Variants in ZNF789 observed in about 807,000 individuals in gnomAD.
ZNF789 encodes zinc finger protein 789.
A neutral mutation model predicts 15.6 loss-of-function variants in ZNF789; 11 were observed. The ratio of observed to expected loss-of-function variants is 0.70; its 90% CI spans 0.44 to 1.16. ZNF789 has a LOEUF of 1.16. ZNF789 is among the 50% of genes most tolerant of loss of function. ZNF789 has a pLI of 0.00. For missense variants in ZNF789, 461 were observed against 512.6 expected, an observed-to-expected ratio of 0.90 and a Z score of 0.97; for synonymous variants, 159 against 176.0, an observed-to-expected ratio of 0.90 and a Z score of 0.76.
intron 1 of ZNF789, among the ~76,000 whole-genome samples, chr7:99,475,372 A>G (rs1799269734): frequency 6.6e-6 from 1 of 151,886 alleles, no homozygotes; most frequent in African/African-American, 2.4e-5. Context: ...TCCAGCCTGC[A>G]CAACAAGAGT....
chr7:99,473,360 A>G (rs1799124776), intron 1 of ZNF789, among the ~76,000 whole-genome samples: 1 of 152,220 alleles, frequency 6.6e-6, no homozygotes, highest in African/African-American at 2.4e-5. Context: ...AAAAGTTAAC[A>G]GTCCCCTCCA....
chr7:99,485,076 C>T (rs1308237800), intron 4 of ZNF789: 3 of 1,072,076 alleles, frequency 2.8e-6, no homozygotes, highest in Non-Finnish European at 2.6e-6. Flanking sequence ...ACCCTGGATG[C>T]CCCTTGATTC....
At position 99,484,126 on chromosome 7, in the gene ZNF789, C is replaced by G. The variant is rs1028001964; in HGVS notation, c.248C>G (p.Ser83Cys). ...CCGAGAACTGGGAATAGGAAGGCTT[C>G]CGGTAGTGCTTGCCCAGGTGGGTGA... ...DLPRTGNRKA[S>C]GSACPGSEAR... The change falls in exon 4 of 5, where the codon TCC becomes TGC. Residue 83 changes from serine (S) to cysteine (C), a missense_variant. Transcript: ENST00000331410. 1 of 1,613,788 alleles carries G rather than the reference C, an allele frequency of 6.2e-7. No homozygotes were observed. Among genetic ancestry groups the G allele is most frequent in the Non-Finnish European group, 8.5e-7 (1 of 1,179,902 alleles).
intron 4 of ZNF789, among the ~76,000 whole-genome samples, chr7:99,485,572 C>G (rs1457259483): frequency 6.6e-6 from 1 of 152,196 alleles, no homozygotes; most frequent in Non-Finnish European, 1.5e-5. Flanking sequence ...TGGCTCACAC[C>G]TGTAATCCCA....
Position 99,484,029 on chromosome 7 carries a change from G to A in ZNF789, c.152-1G>A. ...CATCCCATTTACTTCCCCATGAGTAGGATTTCAGTTTCCCAAACCTGAGAT... is the reference window on the plus strand; with the variant it reads ...CATCCCATTTACTTCCCCATGAGTAAGATTTCAGTTTCCCAAACCTGAGAT... On this transcript the variant is annotated splice_acceptor_variant, in intron 3 of 4. Coordinates refer to ENST00000331410, the MANE Select transcript of ZNF789 (RefSeq NM_213603.3). LOFTEE classifies it high-confidence loss of function. The A allele has an allele frequency of 6.2e-7, 1 of 1,613,924 alleles. No individual in the cohort carries two copies. Among genetic ancestry groups the A allele is most frequent in the South Asian group, 1.1e-5 (1 of 91,072 alleles).
intron 1 of ZNF789, among the ~76,000 whole-genome samples, chr7:99,474,487 G>A (rs1189744817): frequency 1.3e-5 from 2 of 151,928 alleles, no homozygotes; most frequent in East Asian, 1.9e-4. Flanking sequence ...CCAGCTACTC[G>A]GGAAGCTGAG....
At chr7:99,476,547 T>C (rs2151052559) in intron 2 of ZNF789, 67 bp downstream of exon 2, 5 of 1,589,332 alleles carry the variant, frequency 3.1e-6, no homozygotes, top group East Asian at 2.3e-5. Flanking sequence ...TTCCTCAGAC[T>C]GAGCCCTCTT....
chr7:99,484,193 G>A, intron 4 of ZNF789, 50 bp downstream of exon 4: 1 of 1,477,430 alleles, frequency 6.8e-7, no homozygotes, highest in Non-Finnish European at 9.4e-7. Flanking sequence ...AGGAAGGGAA[G>A]GCATGTTAGT....
At position 99,476,198 on chromosome 7, in the gene ZNF789, A is replaced by C. The variant is rs567792095; in HGVS notation, c.-54-205A>C. 2.8e-5 allele frequency: 14 copies of C among 493,390 alleles called. No homozygotes were observed. In the East Asian group the frequency reaches 4.6e-4, roughly 16 times the overall value. The allele number at this position is 493,390 out of a possible 1,614,324, so 30.6% of individuals were successfully genotyped here. On this transcript the variant is annotated intron_variant, in intron 1 of 4. Coordinates refer to ENST00000331410, the MANE Select transcript of ZNF789 (RefSeq NM_213603.3). ...AGGGAGAAGGGGAGGGCAGGGCTGCAGGTTCTCTTGGATGGAGCTTGGGAA... is the reference window on the plus strand; with the variant it reads ...AGGGAGAAGGGGAGGGCAGGGCTGCCGGTTCTCTTGGATGGAGCTTGGGAA...
intron 3 of ZNF789, 140 bp from the exon 4 acceptor site, chr7:99,483,890 A>G (rs1197727637): frequency 2.4e-5 from 19 of 801,014 alleles, no homozygotes; most frequent in Non-Finnish European, 4.1e-5. Flanking sequence ...AAAGACTGCC[A>G]GATATTTACA....
intron 3 of ZNF789, chr7:99,483,670 G>T: frequency 1.3e-6 from 1 of 779,980 alleles, no homozygotes; most frequent in Non-Finnish European, 2.4e-6. Flanking sequence ...TTTAATATCT[G>T]CCTAATACTT....
Position 99,487,423 on chromosome 7 carries a change from T to C in ZNF789, c.1213T>C (p.Ser405Pro), listed in dbSNP as rs752287711. 4 of 1,614,158 alleles carry C rather than the reference T, an allele frequency of 2.5e-6. No homozygotes were observed. The South Asian group carries it at 4.4e-5, about 18-fold the overall frequency. ...CTACCAATGTGTCATATGTGGAAAA[T>C]CTTTCAAGTGGCACACAAGCTTTAT... ...QPYQCVICGK[S>P]FKWHTSFIKH... Residue 405 changes from serine (S) to proline (P), a missense_variant, in exon 5 of 5, where the codon TCT (serine) becomes CCT (proline). Coordinates refer to ENST00000331410, the MANE Select transcript of ZNF789 (RefSeq NM_213603.3).
In ZNF789 at chr7:99,473,502, C is replaced by T. The variant is rs112601769; in HGVS notation, c.-55+446C>T. Among the ~76,000 whole-genome samples, 1,119 of 152,296 alleles carry T rather than the reference C, an allele frequency of 7.3e-3. 18 individuals are homozygous for T. The highest frequency in any genetic ancestry group is 0.026 in the African/African-American group (1,068 of 41,544). ...TGGCCATTATCAACTTGCATTCCTT[C>T]TAGGGTAAGTCGAGCTGGATCAGCC... On this transcript the variant is annotated intron_variant, in intron 1 of 4. Coordinates refer to ENST00000331410, the MANE Select transcript of ZNF789 (RefSeq NM_213603.3).
intron 3 of ZNF789, chr7:99,483,793 C>G: frequency 1.3e-6 from 1 of 781,014 alleles, no homozygotes; most frequent in East Asian, 2.4e-5. Flanking sequence ...CTGGCACATT[C>G]ATCTTGGTTG....
chr7:99,485,626 G>A (rs537431247), intron 4 of ZNF789, among the ~76,000 whole-genome samples: 21 of 152,290 alleles, frequency 1.4e-4, no homozygotes, highest in African/African-American at 4.8e-4. Flanking sequence ...GAGGCCAGGA[G>A]TTTGAGACCA....
chr7:99,484,421 A>T (rs887715654), intron 4 of ZNF789, among the ~76,000 whole-genome samples: 4 of 152,166 alleles, frequency 2.6e-5, no homozygotes, highest in African/African-American at 9.7e-5. Context: ...CCAGGACTAG[A>T]CCAGCCTGGC....
In ZNF789 at chr7:99,487,203, T is replaced by C; in HGVS notation, c.993T>C (p.His331=). The change falls in exon 5 of 5, where the codon CAT becomes CAC. Residue 331 remains histidine, a synonymous_variant. Coordinates refer to ENST00000331410, the MANE Select transcript of ZNF789 (RefSeq NM_213603.3). Reference sequence around the variant, plus strand: ...GCCGGCATTCAACCCTTCTATGTCATCAACAGATTCACAGTAAACCGAACA... The same window carrying C: ...GCCGGCATTCAACCCTTCTATGTCACCAACAGATTCACAGTAAACCGAACA... ...AFGRHSTLLC[H]QQIHSKPNTH... 6.2e-7 allele frequency: 1 copy of C among 1,614,164 alleles called. No individual in the cohort carries two copies. The highest frequency in any genetic ancestry group is 1.1e-5 in the South Asian group (1 of 91,082).
intron 2 of ZNF789, among the ~76,000 whole-genome samples, chr7:99,477,455 C>T (rs756850319): frequency 1.3e-5 from 2 of 152,184 alleles, no homozygotes; most frequent in Non-Finnish European, 2.9e-5. Context: ...ATCCTCCCAC[C>T]TCAGCCTCCC....
chr7:99,484,266 A>G, intron 4 of ZNF789, 123 bp downstream of exon 4: 1 of 687,678 alleles, frequency 1.5e-6, no homozygotes, highest in East Asian at 2.7e-5. Flanking sequence ...CCACTTCTTC[A>G]TCCCTACTGC....
Sources: allele counts gnomAD v4.1 joint callset (sites outside exome capture counted in the v4.1 genomes callset), GRCh38; gene constraint gnomAD v4.1.1; transcripts MANE v1.5; gene names NCBI Gene and HGNC (gene_info 2026-07-23, HGNC 2026-07-21).